The following GAB2 variants were observed in gnomAD, a reference collection of about 807,000 sequenced individuals.
The protein encoded by GAB2 is GRB2 associated binding protein 2, also known as GRB2-associated-binding protein 2.
GAB2 carries 26 observed loss-of-function variants against 65.5 expected under a neutral mutation model. The ratio of observed to expected loss-of-function variants is 0.40; its 90% CI spans 0.29 to 0.55. The LOEUF (loss-of-function observed/expected upper bound fraction) is 0.55, where lower values mean the gene tolerates loss of function less well. Among genes scored for constraint, GAB2 ranks in the 20% least tolerant of loss-of-function variants. The pLI is 0.53. For synonymous variants in GAB2, 321 were observed against 329.6 expected (o/e 0.97, Z 0.28); for missense variants, 884 against 875.8 (o/e 1.01, Z -0.12).
At chr11:78,244,580 A>G (rs78078266) in intron 3 of GAB2, among the ~76,000 whole-genome samples, 1,826 of 151,938 alleles carry the variant, frequency 0.012, 37 homozygotes, top group African/African-American at 0.041. Flanking sequence ...AACAGCAAAA[A>G]AAAACAAATA....
intron 1 of GAB2, among the ~76,000 whole-genome samples, chr11:78,346,911 T>C (rs1591055895): frequency 1.3e-5 from 2 of 151,400 alleles, no homozygotes; most frequent in Admixed American, 6.6e-5. Context: ...AAAAATACTG[T>C]TTACCTAGTA....
At chr11:78,367,828 T>C (rs866386412) in intron 1 of GAB2, among the ~76,000 whole-genome samples, 1,904 of 147,002 alleles carry the variant, frequency 0.013, 29 homozygotes, top group African/African-American at 0.043. Context: ...TTTCTTTTTT[T>C]TTTTTTTTTT....
intron 1 of GAB2, among the ~76,000 whole-genome samples, chr11:78,380,956 G>A (rs1856690111): frequency 6.6e-6 from 1 of 152,114 alleles, no homozygotes; most frequent in African/African-American, 2.4e-5. Context: ...TAAAATTTCT[G>A]TGTCTCTGCC....
chr11:78,380,562 A>G (rs1452629382), intron 1 of GAB2, among the ~76,000 whole-genome samples: 4 of 152,216 alleles, frequency 2.6e-5, no homozygotes, highest in Non-Finnish European at 5.9e-5. Flanking sequence ...AATGCAAATA[A>G]AACACAGCAT....
chr11:78,398,613 T>C (rs1856932113), intron 1 of GAB2, among the ~76,000 whole-genome samples: 1 of 152,146 alleles, frequency 6.6e-6, no homozygotes. Context: ...TAGATATAAG[T>C]GAAAAAATTC....
At chr11:78,353,419 TA>T (rs1338870610) in intron 1 of GAB2, among the ~76,000 whole-genome samples, 1 of 152,000 alleles carries the variant, frequency 6.6e-6, no homozygotes, top group Non-Finnish European at 1.5e-5. Context: ...CCAGCCTGGG[TA>T]AAAGAGTGAG....
Position 78,218,147 on chromosome 11 carries a change from G to A in GAB2, c.*1125C>T, listed in dbSNP as rs1355423319. The A allele has an allele frequency of 6.5e-6, 1 of 153,726 alleles. No individual in the cohort carries two copies. The highest frequency in any genetic ancestry group is 2.0e-4 in the South Asian group (1 of 4,936). 9.5% of individuals were successfully genotyped at this position (153,726 alleles called of 1,614,324 possible). A position where few individuals can be genotyped will look rare whatever the true frequency, so the allele number is the denominator to read the frequency against. ...TGCTTCACATCTGTCTGCTACCTCTGTGCCCGACTTCCACTGCACTGCTCA... is the reference window on the plus strand; with the variant it reads ...TGCTTCACATCTGTCTGCTACCTCTATGCCCGACTTCCACTGCACTGCTCA... On this transcript the variant is annotated 3_prime_UTR_variant, in exon 10 of 10. Transcript: ENST00000361507.
chr11:78,320,725 CTTTTTTTTTTT>C (rs72241707), intron 1 of GAB2, among the ~76,000 whole-genome samples: 6 of 102,498 alleles, frequency 5.9e-5, no homozygotes, highest in Non-Finnish European at 1.2e-4. Context: ...TAATTTTTGC[CTTTTTTTTTTT>C]TTTTTTTTTT....
intron 2 of GAB2, among the ~76,000 whole-genome samples, chr11:78,262,684 C>T (rs1163959919): frequency 6.6e-6 from 1 of 152,168 alleles, no homozygotes; most frequent in Non-Finnish European, 1.5e-5. Context: ...TACTCATCTC[C>T]CAGACTTGTG....
At chr11:78,267,081 G>A (rs1385595093) in intron 2 of GAB2, among the ~76,000 whole-genome samples, 1 of 152,192 alleles carries the variant, frequency 6.6e-6, no homozygotes, top group Non-Finnish European at 1.5e-5. Context: ...GTAAGACTCT[G>A]GTCTATGAGA....
Position 78,295,084 on chromosome 11 carries a change from C to T in GAB2, c.76-14183G>A, listed in dbSNP as rs146316206. Among the ~76,000 whole-genome samples, 3 of 152,258 alleles carry T rather than the reference C, an allele frequency of 2.0e-5. No individual in the cohort carries two copies. In the East Asian group the frequency reaches 5.8e-4, roughly 29 times the overall value. On this transcript the variant is annotated intron_variant, in intron 1 of 9. Transcript: ENST00000361507. ...TCAAAAAGTTGACGAAGAATATGAA[C>T]AGACATTTCTCAAAAGAAGACATTT... is the stretch of plus-strand genomic sequence containing the variant.
intron 3 of GAB2, among the ~76,000 whole-genome samples, chr11:78,230,168 G>A (rs574107353): frequency 7.9e-4 from 121 of 152,340 alleles, no homozygotes; most frequent in Non-Finnish European, 1.3e-3. Context: ...ATAAACAAAC[G>A]TATGTTGCTG....
At chr11:78,334,793 T>C (rs1442057789) in intron 1 of GAB2, among the ~76,000 whole-genome samples, 1 of 152,252 alleles carries the variant, frequency 6.6e-6, no homozygotes, top group African/African-American at 2.4e-5. Flanking sequence ...CTGGATCACA[T>C]GGTAGCTCTA....
rs550133210 is a variant in GAB2, at chr11:78,241,907, G to C, written c.620+8250C>G. 1.6e-4 allele frequency among the ~76,000 whole-genome samples: 24 copies of C among 152,270 alleles called. 1 individual carries two copies. The South Asian group carries it at 5.0e-3, about 32-fold the overall frequency. On this transcript the variant is annotated intron_variant, in intron 3 of 9. Transcript: ENST00000361507. Reference sequence around the variant, plus strand: ...TCAGCATGGACAGATCACCTAGACAGAAAATCAACAGGGAAACAATTAGAT... The same window carrying C: ...TCAGCATGGACAGATCACCTAGACACAAAATCAACAGGGAAACAATTAGAT...
chr11:78,393,551 C>T (rs144591227), intron 1 of GAB2, among the ~76,000 whole-genome samples: 22 of 152,310 alleles, frequency 1.4e-4, no homozygotes, highest in African/African-American at 4.6e-4. Context: ...ACTATCCTTT[C>T]TGAGAGCCAA....
At chr11:78,273,452 T>C (rs1388292233) in intron 2 of GAB2, among the ~76,000 whole-genome samples, 1 of 152,256 alleles carries the variant, frequency 6.6e-6, no homozygotes, top group South Asian at 2.1e-4. Context: ...CCACTGGATT[T>C]TGGACTTGCA....
intron 1 of GAB2, among the ~76,000 whole-genome samples, chr11:78,315,287 C>A (rs987533768): frequency 6.6e-6 from 1 of 152,192 alleles, no homozygotes; most frequent in Non-Finnish European, 1.5e-5. Flanking sequence ...GGCTTTCCCC[C>A]CTTTTTAATG....
intron 3 of GAB2, among the ~76,000 whole-genome samples, chr11:78,241,611 G>GAA (rs561166459): frequency 7.2e-6 from 1 of 139,832 alleles, no homozygotes; most frequent in Non-Finnish European, 1.6e-5. Context: ...AAAAGAGAAA[G>GAA]AAAAAAAAAA....
chr11:78,250,305 A>C lies in GAB2; in HGVS notation c.472T>G (p.Ser158Ala), dbSNP rs369593230. 6.2e-7 allele frequency: 1 copy of C among 1,613,238 alleles called. No homozygotes were observed. The highest frequency in any genetic ancestry group is 8.5e-7 in the Non-Finnish European group (1 of 1,179,854). ...SSQHLLRERKSSAPSHSSQPT... is the reference protein window; with the variant it reads ...SSQHLLRERKASAPSHSSQPT... ...TGGCTGGAGTGTGATGGGGCTGAGG[A>C]CTTGCGCTCTCGGAGAAGGTGCTGG... Residue 158 changes from serine to alanine, a missense_variant, in exon 3 of 10, where the codon TCC becomes GCC. Physicochemically the swap from Ser to Ala is moderately conservative, Grantham distance 99 (BLOSUM62 1). Coordinates refer to ENST00000361507, the MANE Select transcript of GAB2 (RefSeq NM_080491.3).
Sources: allele counts gnomAD v4.1 joint callset (sites outside exome capture counted in the v4.1 genomes callset), GRCh38; gene constraint gnomAD v4.1.1; transcripts MANE v1.5; gene names NCBI Gene and HGNC (gene_info 2026-07-23, HGNC 2026-07-21).